The following SPON2 variants were observed in gnomAD, a reference collection of about 807,000 sequenced individuals.
SPON2 encodes spondin 2.
In SPON2, 32 loss-of-function variants were observed where a neutral mutation model predicts 29.9. The observed-to-expected ratio is 1.07, with a 90% CI of 0.81 to 1.44. The LOEUF (loss-of-function observed/expected upper bound fraction) is 1.44. Among genes scored for constraint, SPON2 ranks in the 40% most tolerant of loss-of-function variants. SPON2 has a pLI of 0.00. For synonymous variants in SPON2, 248 were observed against 209.1 expected (o/e 1.19, Z -1.61); for missense variants, 541 against 455.5 (o/e 1.19, Z -1.71).
rs538830753 is a variant in SPON2, at chr4:1,171,360, G to T, written c.347C>A (p.Ala116Glu). 26 of 1,611,128 alleles carry T rather than the reference G, an allele frequency of 1.6e-5. 1 individual carries two copies. Among genetic ancestry groups the T allele is most frequent in the Non-Finnish European group, 2.0e-5 (24 of 1,179,592 alleles). ...AAACACCGCGTGCACGCTCTGCAGC[G>T]CCTCCCCCGCCGCCTCGATCTCCTT... is the stretch of plus-strand genomic sequence containing the variant. ...LMKEIEAAGE[A>E]LQSVHAVFSA... The change falls in exon 3 of 6, where the codon GCG (alanine) becomes GAG (glutamate). Residue 116 changes from alanine to glutamate, a missense_variant. Coordinates refer to ENST00000290902, the MANE Select transcript of SPON2 (RefSeq NM_012445.4).
At chr4:1,203,543 A>G (rs186075033) in intron 1 of SPON2, among the ~76,000 whole-genome samples, 4 of 152,196 alleles carry the variant, frequency 2.6e-5, no homozygotes, top group Non-Finnish European at 5.9e-5. Flanking sequence ...GCTATTGTGA[A>G]TAATGCTACC....
chr4:1,208,357 C>G (rs1393418278), upstream of SPON2: 2 of 152,356 alleles, frequency 1.3e-5, no homozygotes, highest in Non-Finnish European at 2.9e-5. Flanking sequence ...TTGGGCCACC[C>G]CAGAGGGACT....
At chr4:1,178,398 C>A (rs1323154733) in intron 2 of SPON2, among the ~76,000 whole-genome samples, 4 of 151,744 alleles carry the variant, frequency 2.6e-5, no homozygotes, top group Non-Finnish European at 5.9e-5. Flanking sequence ...GTTCTCCTGG[C>A]CCCCTCCCCC....
chr4:1,184,951 AGAAT>A (rs1410698923), intron 1 of SPON2, among the ~76,000 whole-genome samples: 1 of 151,462 alleles, frequency 6.6e-6, no homozygotes, highest in Non-Finnish European at 1.5e-5. Flanking sequence ...AAAAAAAAAA[AGAAT>A]ACAATAAGCA....
In SPON2 at chr4:1,167,269, G is replaced by T; in HGVS notation, c.*203C>A. On this transcript the variant is annotated 3_prime_UTR_variant, in exon 6 of 6. Transcript: ENST00000290902. Reference sequence around the variant, plus strand: ...GACACGGGGGCCCCTAAGAAGCAAGGTTGGGAAAGGAGGAGGCTGTTTCCC... The same window carrying T: ...GACACGGGGGCCCCTAAGAAGCAAGTTTGGGAAAGGAGGAGGCTGTTTCCC... The T allele has an allele frequency of 1.8e-6, 1 of 550,348 alleles. No individual in the cohort carries two copies. The highest frequency in any genetic ancestry group is 3.1e-6 in the Non-Finnish European group (1 of 317,504). 34.1% of individuals were successfully genotyped at this position (550,348 alleles called of 1,614,324 possible). A position where few individuals can be genotyped will look rare whatever the true frequency, so the allele number is the denominator to read the frequency against.
chr4:1,203,041 G>T (rs115841303), intron 1 of SPON2, among the ~76,000 whole-genome samples: 83 of 152,318 alleles, frequency 5.4e-4, no homozygotes, highest in African/African-American at 1.9e-3. Flanking sequence ...GGGCTAGAAG[G>T]AACTAGCTTG....
In SPON2 at chr4:1,183,158, T is replaced by G. The variant is rs1178893508; in HGVS notation, c.-238-3617A>C. ...CAGGAGGCTGAGGCAGGAGAATCGC[T>G]TAGAACACGGGAGGTGGAGGTTGCA... is the stretch of plus-strand genomic sequence containing the variant. On this transcript the variant is annotated intron_variant, in intron 1 of 3. Transcript: ENST00000502483. Among the ~76,000 whole-genome samples, 4 of 150,100 alleles carry G rather than the reference T, an allele frequency of 2.7e-5. No homozygotes were observed. The East Asian group carries it at 7.8e-4, about 29-fold the overall frequency.
intron 1 of SPON2, among the ~76,000 whole-genome samples, chr4:1,193,414 C>T (rs1023109634): frequency 6.6e-5 from 10 of 151,530 alleles, no homozygotes; most frequent in African/African-American, 2.4e-4. Context: ...AGAGCCCCCC[C>T]AGTCTCAGTG....
chr4:1,188,061 A>T (rs1177984115), intron 1 of SPON2, among the ~76,000 whole-genome samples: 2 of 151,640 alleles, frequency 1.3e-5, no homozygotes, highest in Non-Finnish European at 2.9e-5. Flanking sequence ...AAAAAAAAAA[A>T]TTAGCCAGGC....
At chr4:1,200,576 A>G (rs1474467143) in intron 1 of SPON2, 1 of 343,872 alleles carries the variant, frequency 2.9e-6, no homozygotes, top group African/African-American at 2.1e-5. Context: ...AGCTCACCCC[A>G]CGGGAACGTG....
chr4:1,177,186 C>T (rs2153078012), upstream of SPON2, among the ~76,000 whole-genome samples: 1 of 152,348 alleles, frequency 6.6e-6, no homozygotes, highest in East Asian at 1.9e-4. Flanking sequence ...CTGTCTGCAG[C>T]TGGGCAGAGC....
chr4:1,181,601 T>A (rs1727702048), intron 1 of SPON2, among the ~76,000 whole-genome samples: 1 of 152,204 alleles, frequency 6.6e-6, no homozygotes, highest in Non-Finnish European at 1.5e-5. Context: ...CTGGAGTCTA[T>A]TGGATTGCAG....
chr4:1,195,407 C>T (rs1728043008), upstream of SPON2, among the ~76,000 whole-genome samples: 1 of 152,090 alleles, frequency 6.6e-6, no homozygotes, highest in African/African-American at 2.4e-5. Context: ...CCCTGCGCCT[C>T]AGGGGTCCCT....
Position 1,171,172 on chromosome 4 carries a change from T to C in SPON2, c.463A>G (p.Ile155Val). The C allele has an allele frequency of 6.5e-7, 1 of 1,545,784 alleles. No individual in the cohort carries two copies. Reference sequence around the variant, plus strand: ...ACGAACCAGTCGGGGCTGGGCACGATGCGCACCACAAACGAGACCTGCGGC... The same window carrying C: ...ACGAACCAGTCGGGGCTGGGCACGACGCGCACCACAAACGAGACCTGCGGC... ...RHSLVSFVVR[I>V]VPSPDWFVGV... The change falls in exon 4 of 6, where the codon ATC becomes GTC. Residue 155 changes from isoleucine to valine, a missense_variant. Ile to Val is a conservative substitution (Grantham distance 29). Transcript: ENST00000290902.
upstream of SPON2, chr4:1,208,351 G>C (rs1367792420): frequency 6.6e-6 from 1 of 152,272 alleles, no homozygotes; most frequent in East Asian, 1.9e-4. Flanking sequence ...CCCTGCTTGG[G>C]CCACCCCAGA....
exon 1 of SPON2, chr4:1,195,127 C>CGGCTCAG (rs1351792742): frequency 6.6e-6 from 1 of 151,944 alleles, no homozygotes; most frequent in South Asian, 2.1e-4. Context: ...CCGCAGCCGG[C>CGGCTCAG]GGCTCAGGGC....
chr4:1,193,418 C>G (rs1203358949), intron 1 of SPON2, among the ~76,000 whole-genome samples: 1 of 151,482 alleles, frequency 6.6e-6, no homozygotes, highest in African/African-American at 2.4e-5. Context: ...CCCCCCCAGT[C>G]TCAGTGGGCC....
At chr4:1,194,336 G>A (rs1354777470) in intron 1 of SPON2, among the ~76,000 whole-genome samples, 1 of 152,174 alleles carries the variant, frequency 6.6e-6, no homozygotes. Context: ...CCCGATAGAG[G>A]GACCACTTCA....
Position 1,185,537 on chromosome 4 carries a change from G to A in SPON2, c.-238-5996C>T, listed in dbSNP as rs566725868. ...AGCCTGGCCAACATGGTGAAACCCCGTCTCTATTAAAAATACAAAAATTAG... is the reference window on the plus strand; with the variant it reads ...AGCCTGGCCAACATGGTGAAACCCCATCTCTATTAAAAATACAAAAATTAG... On this transcript the variant is annotated intron_variant, in intron 1 of 3. Coordinates refer to the SPON2 transcript ENST00000502483. 2.4e-3 allele frequency among the ~76,000 whole-genome samples: 369 copies of A among 150,810 alleles called. 2 individuals are homozygous for A. The highest frequency in any genetic ancestry group is 8.7e-3 in the African/African-American group (358 of 41,156).
Sources: gnomAD v4.1 joint callset for allele counts (sites outside exome capture counted in the v4.1 genomes callset) on GRCh38, gnomAD v4.1.1 for gene constraint, MANE v1.5 for transcripts, NCBI Gene and HGNC (gene_info 2026-07-23, HGNC 2026-07-21) for gene names.